HCN1: variants seen among roughly 807,000 people sequenced by gnomAD.
The protein encoded by HCN1 is hyperpolarization activated cyclic nucleotide gated potassium channel 1.
Under a neutral mutation model 78.9 loss-of-function variants are expected in HCN1, and 13 were observed. The ratio of observed to expected loss-of-function variants is 0.16; its 90% CI spans 0.11 to 0.26. The LOEUF (loss-of-function observed/expected upper bound fraction) is 0.26, where lower values mean the gene tolerates loss of function less well. Among genes scored for constraint, HCN1 ranks in the 10% least tolerant of loss-of-function variants. HCN1 has a pLI of 1.00. For missense variants in HCN1, 810 were observed against 1,154.3 expected (o/e 0.70, Z 4.32); for synonymous variants, 552 against 455.5 (o/e 1.21, Z -2.70).
chr5:45,485,065 T>C (rs1356155100), intron 2 of HCN1, among the ~76,000 whole-genome samples: 2 of 152,210 alleles, frequency 1.3e-5, no homozygotes, highest in Non-Finnish European at 2.9e-5. Flanking sequence ...AATTTCCTGA[T>C]AGATTTCAGT....
At chr5:45,564,355 T>TGTTCACGCCATTCTCCTGC in intron 2 of HCN1, among the ~76,000 whole-genome samples, 1 of 151,816 alleles carries the variant, frequency 6.6e-6, no homozygotes, top group Non-Finnish European at 1.5e-5. Flanking sequence ...CCACCTCCTG[T>TGTTCACGCCATTCTCCTGC]GTTCACGCCA....
chr5:45,352,521 T>C (rs551088513), intron 5 of HCN1, among the ~76,000 whole-genome samples: 11 of 152,048 alleles, frequency 7.2e-5, no homozygotes, highest in African/African-American at 1.2e-4. Context: ...ACTTAAAGTA[T>C]AATAATAATA....
At chr5:45,364,892 T>C (rs976070602) in intron 4 of HCN1, among the ~76,000 whole-genome samples, 3 of 152,038 alleles carry the variant, frequency 2.0e-5, no homozygotes, top group Admixed American at 1.3e-4. Flanking sequence ...TAGTTGAGAT[T>C]TAGATTAGAT....
intron 2 of HCN1, among the ~76,000 whole-genome samples, chr5:45,477,586 A>T (rs1372283887): frequency 6.6e-6 from 1 of 152,166 alleles, no homozygotes; most frequent in Non-Finnish European, 1.5e-5. Flanking sequence ...GGAAGAAGAT[A>T]AATTATTCAA....
intron 2 of HCN1, among the ~76,000 whole-genome samples, chr5:45,487,798 C>T (rs930633005): frequency 6.6e-6 from 1 of 152,014 alleles, no homozygotes; most frequent in African/African-American, 2.4e-5. Flanking sequence ...AAAACTTAGT[C>T]AAGTTACTTC....
chr5:45,658,718 T>C (rs1250912173), intron 1 of HCN1, among the ~76,000 whole-genome samples: 1 of 151,432 alleles, frequency 6.6e-6, no homozygotes, highest in African/African-American at 2.4e-5. Context: ...ATCGGGTCAC[T>C]CCCACCCGAA....
At chr5:45,440,428 C>T (rs1368260611) in intron 3 of HCN1, among the ~76,000 whole-genome samples, 4 of 152,164 alleles carry the variant, frequency 2.6e-5, no homozygotes, top group African/African-American at 9.7e-5. Context: ...ATATTCATAG[C>T]TGCTTCTTCC....
chr5:45,429,035 G>A, intron 3 of HCN1, among the ~76,000 whole-genome samples: 1 of 152,042 alleles, frequency 6.6e-6, no homozygotes, highest in African/African-American at 2.4e-5. Context: ...AGTATTCTAA[G>A]GGCTTTGAAT....
intron 1 of HCN1, among the ~76,000 whole-genome samples, chr5:45,664,472 GA>G (rs755491134): frequency 0.049 from 6,008 of 122,406 alleles, 430 homozygotes; most frequent in African/African-American, 0.16. Context: ...ATAAAAAAAA[GA>G]AAAAAAAAAA....
At chr5:45,422,778 C>A (rs373747503) in intron 3 of HCN1, among the ~76,000 whole-genome samples, 1 of 152,000 alleles carries the variant, frequency 6.6e-6, no homozygotes, top group Non-Finnish European at 1.5e-5. Context: ...CTCTCCCACC[C>A]CTTTTATATT....
At chr5:45,375,916 T>C (rs1579854069) in intron 4 of HCN1, among the ~76,000 whole-genome samples, 1 of 122,810 alleles carries the variant, frequency 8.1e-6, no homozygotes, top group East Asian at 2.3e-4. Flanking sequence ...TTTTATCTTA[T>C]ATATTATATA....
At chr5:45,487,817 A>C (rs1741799337) in intron 2 of HCN1, among the ~76,000 whole-genome samples, 1 of 152,140 alleles carries the variant, frequency 6.6e-6, no homozygotes, top group Non-Finnish European at 1.5e-5. Flanking sequence ...TCTTTCAAAA[A>C]TCTTGAAAGT....
At chr5:45,507,966 C>A (rs112446526) in intron 2 of HCN1, among the ~76,000 whole-genome samples, 1 of 152,126 alleles carries the variant, frequency 6.6e-6, no homozygotes, top group African/African-American at 2.4e-5. Context: ...TACATCTTAT[C>A]TGAATTTCAC....
At chr5:45,267,290 G>A in intron 6 of HCN1, 37 bp from the exon 7 acceptor site, 1 of 1,603,550 alleles carries the variant, frequency 6.2e-7, no homozygotes, top group Non-Finnish European at 8.5e-7. Flanking sequence ...TGACTTGTTT[G>A]ATCATTTTCT....
chr5:45,542,174 C>T (rs923534656), intron 2 of HCN1, among the ~76,000 whole-genome samples: 1 of 152,096 alleles, frequency 6.6e-6, no homozygotes, highest in Non-Finnish European at 1.5e-5. Flanking sequence ...CAGTCAAATT[C>T]TTTCACACAT....
chr5:45,558,194 TTTGAGTGTTCTGGA>T (rs1743515348), intron 2 of HCN1: 1 of 150,750 alleles, frequency 6.6e-6, no homozygotes, highest in Non-Finnish European at 1.5e-5. Flanking sequence ...ATGGAGAAAG[TTTGAGTGTTCTGGA>T]TAGAATCAAA....
chr5:45,276,639 A>G (rs1306476824), intron 6 of HCN1, among the ~76,000 whole-genome samples: 2 of 152,142 alleles, frequency 1.3e-5, no homozygotes, highest in African/African-American at 4.8e-5. Context: ...CAAAATAAGT[A>G]TATTTTGTAT....
chr5:45,512,934 G>T (rs530088363), intron 2 of HCN1, among the ~76,000 whole-genome samples: 1 of 151,908 alleles, frequency 6.6e-6, no homozygotes, highest in Non-Finnish European at 1.5e-5. Flanking sequence ...ATTTATCAAC[G>T]CCCATTTACT....
chr5:45,581,821 A>T (rs1744083367), intron 2 of HCN1, among the ~76,000 whole-genome samples: 1 of 152,174 alleles, frequency 6.6e-6, no homozygotes, highest in Non-Finnish European at 1.5e-5. Context: ...GTCAAAGATC[A>T]GATAGTTGTA....
Sources: allele counts gnomAD v4.1 joint callset (sites outside exome capture counted in the v4.1 genomes callset), GRCh38; gene constraint gnomAD v4.1.1; transcripts MANE v1.5; gene names NCBI Gene and HGNC (gene_info 2026-07-23, HGNC 2026-07-21).